Variants in NRG1 observed in about 807,000 individuals in gnomAD.
NRG1 encodes neuregulin 1.
NRG1 carries 18 observed loss-of-function variants against 63.8 expected under a neutral mutation model. The ratio of observed to expected loss-of-function variants is 0.28; its 90% CI spans 0.19 to 0.42. The LOEUF is 0.42. Ranked by LOEUF, NRG1 falls within the 10% of genes least tolerant of loss-of-function variation. The pLI, the probability that NRG1 is intolerant of heterozygous loss-of-function variation, is 1.00. For missense variants in NRG1, 762 were observed against 814.7 expected (o/e 0.94, Z 0.79); for synonymous variants, 302 against 301.3 (o/e 1.00, Z -0.02).
chr8:31,804,819 C>T (rs188610974), intron 1 of NRG1, among the ~76,000 whole-genome samples: 2 of 152,096 alleles, frequency 1.3e-5, no homozygotes, highest in African/African-American at 4.8e-5. Flanking sequence ...CTAAAAAATG[C>T]CTTCATAGCA....
At chr8:32,597,427 C>T (rs1490911517) in intron 2 of NRG1, among the ~76,000 whole-genome samples, 1 of 152,036 alleles carries the variant, frequency 6.6e-6, no homozygotes, top group Non-Finnish European at 1.5e-5. Flanking sequence ...TTGATCATGT[C>T]AGATAGATCT....
chr8:32,709,461 C>T (rs1192087608), intron 5 of NRG1, among the ~76,000 whole-genome samples: 1 of 151,588 alleles, frequency 6.6e-6, no homozygotes, highest in South Asian at 2.1e-4. Context: ...ACTCCATTGC[C>T]CCAGCTGGAG....
At chr8:32,009,355 T>C (rs1191994933) in intron 1 of NRG1, among the ~76,000 whole-genome samples, 1 of 152,064 alleles carries the variant, frequency 6.6e-6, no homozygotes, top group African/African-American at 2.4e-5. Flanking sequence ...TGGTTAACTT[T>C]ACATTCGTGC....
intron 1 of NRG1, among the ~76,000 whole-genome samples, chr8:31,737,115 A>G (rs1380196836): frequency 6.6e-6 from 1 of 152,162 alleles, no homozygotes; most frequent in African/African-American, 2.4e-5. Flanking sequence ...AGTTGAAACT[A>G]GAGATGTAAC....
intron 1 of NRG1, among the ~76,000 whole-genome samples, chr8:31,755,264 T>C (rs1816856441): frequency 6.6e-6 from 1 of 152,112 alleles, no homozygotes; most frequent in Admixed American, 6.6e-5. Flanking sequence ...TATAAACATG[T>C]CTATACCTGA....
In NRG1 at chr8:32,303,021, A is replaced by C. The variant is rs144890369; in HGVS notation, c.38-292807A>C. Among the ~76,000 whole-genome samples the C allele has an allele frequency of 6.9e-3, 1,056 of 152,112 alleles. 13 individuals carry two copies. Among genetic ancestry groups the C allele is most frequent in the African/African-American group, 0.024 (1,015 of 41,500 alleles). Reference sequence around the variant, plus strand: ...ACGTGGTAAAGCCCTGTCTCTGCTAAAAATACAAAAATTAGCCGGGCGTGG... The same window carrying C: ...ACGTGGTAAAGCCCTGTCTCTGCTACAAATACAAAAATTAGCCGGGCGTGG... On this transcript the variant is annotated intron_variant, in intron 1 of 10. Transcript: ENST00000519301.
intron 1 of NRG1, among the ~76,000 whole-genome samples, chr8:31,732,704 G>T (rs1427237030): frequency 1.3e-5 from 2 of 151,976 alleles, no homozygotes; most frequent in Non-Finnish European, 2.9e-5. Context: ...CAGCCTGGCT[G>T]GTCAACATGG....
chr8:32,516,363 A>T (rs903055485), intron 1 of NRG1, among the ~76,000 whole-genome samples: 33 of 152,120 alleles, frequency 2.2e-4, no homozygotes, highest in Non-Finnish European at 2.9e-5. Flanking sequence ...CAGTGATATG[A>T]TGCCTCTGGC....
chr8:32,416,849 C>G (rs1264457418), intron 1 of NRG1, among the ~76,000 whole-genome samples: 1 of 152,010 alleles, frequency 6.6e-6, no homozygotes, highest in African/African-American at 2.4e-5. Context: ...CCACGCTTGG[C>G]TAATTTTTGT....
intron 1 of NRG1, among the ~76,000 whole-genome samples, chr8:32,119,377 C>G (rs1365665878): frequency 6.6e-6 from 1 of 152,098 alleles, no homozygotes; most frequent in Non-Finnish European, 1.5e-5. Flanking sequence ...TTAGCTGATA[C>G]ACACAGTTGC....
intron 5 of NRG1, among the ~76,000 whole-genome samples, chr8:32,640,981 G>A (rs996247720): frequency 1.4e-4 from 21 of 151,084 alleles, no homozygotes; most frequent in African/African-American, 4.4e-4. Context: ...AATAATAATA[G>A]TTCAAAAATA....
intron 1 of NRG1, among the ~76,000 whole-genome samples, chr8:32,136,294 G>C (rs1481763): frequency 6.6e-6 from 1 of 151,966 alleles, no homozygotes; most frequent in African/African-American, 2.4e-5. Flanking sequence ...TGCAGGTACT[G>C]TTGTCACCTG....
chr8:32,158,662 C>A (rs749104702), intron 1 of NRG1, among the ~76,000 whole-genome samples: 2 of 151,442 alleles, frequency 1.3e-5, no homozygotes, highest in Non-Finnish European at 2.9e-5. Context: ...CTGAATGGAT[C>A]TTCATAGAGA....
At chr8:32,670,076 G>A (rs996372112) in intron 5 of NRG1, among the ~76,000 whole-genome samples, 2 of 152,054 alleles carry the variant, frequency 1.3e-5, no homozygotes, top group Non-Finnish European at 2.9e-5. Context: ...TTTTACGTTT[G>A]ATTTGTTATT....
At chr8:31,760,065 C>T (rs569026127) in intron 1 of NRG1, among the ~76,000 whole-genome samples, 6 of 152,230 alleles carry the variant, frequency 3.9e-5, no homozygotes, top group African/African-American at 1.4e-4. Flanking sequence ...CAAAGTTACC[C>T]ATGCGGATTG....
chr8:32,761,601 A>ATTTTG (rs1403623422), intron 11 of NRG1, among the ~76,000 whole-genome samples: 3 of 150,962 alleles, frequency 2.0e-5, no homozygotes, highest in African/African-American at 7.3e-5. Flanking sequence ...ATTTTATTTT[A>ATTTTG]TTTTATTTTA....
At chr8:32,335,057 T>C (rs1803087935) in intron 1 of NRG1, among the ~76,000 whole-genome samples, 1 of 152,086 alleles carries the variant, frequency 6.6e-6, no homozygotes, top group South Asian at 2.1e-4. Flanking sequence ...TGATCCATAA[T>C]TGATATAGTG....
rs536378732 is a variant in NRG1 at position 32,074,337 on chromosome 8, G to C, written c.37+434906G>C. Among the ~76,000 whole-genome samples, 165 of 152,244 alleles carry C rather than the reference G, an allele frequency of 1.1e-3. 3 individuals are homozygous for C. In the South Asian group the frequency reaches 0.027, roughly 25 times the overall value. The stretch of plus-strand genomic sequence containing the variant: ...TTATTCTTCAAACCTGATGTTAGCA[G>C]GGAGGTCAGATACTCAAGCATGATT... On this transcript the variant is annotated intron_variant, in intron 1 of 10. Transcript: ENST00000519301.
At chr8:32,758,663 A>AGG (rs1406277469) in intron 9 of NRG1, among the ~76,000 whole-genome samples, 1 of 151,862 alleles carries the variant, frequency 6.6e-6, no homozygotes, top group Non-Finnish European at 1.5e-5. Context: ...CATTAAATAG[A>AGG]AATGTCCTCC....
Sources: allele counts gnomAD v4.1 joint callset (sites outside exome capture counted in the v4.1 genomes callset), GRCh38; gene constraint gnomAD v4.1.1; transcripts MANE v1.5; gene names NCBI Gene and HGNC (gene_info 2026-07-23, HGNC 2026-07-21).